MAPK4: variants seen among roughly 807,000 people sequenced by gnomAD.
The protein encoded by MAPK4 is Erk3-related.
Under a neutral mutation model 47.7 loss-of-function variants are expected in MAPK4, and 22 were observed. The observed-to-expected ratio is 0.46, with a 90% CI of 0.33 to 0.66. MAPK4 has a LOEUF of 0.66. Ranked by LOEUF, MAPK4 falls within the 30% of genes least tolerant of loss-of-function variation. The probability of loss-of-function intolerance (pLI) is 0.02; values close to 1 mark genes in which losing one functional copy is unlikely to be tolerated. For missense variants in MAPK4, 736 were observed against 831.7 expected, an observed-to-expected ratio of 0.88 and a Z score of 1.42; for synonymous variants, 390 against 365.7, an observed-to-expected ratio of 1.07 and a Z score of -0.76.
chr18:50,664,523 G>T lies in MAPK4; in HGVS notation c.546+19G>T. ...CCACAAGGTATGTCTGGCTGGAATG[G>T]CGGATACTGGTGGTCCACAGAATCC... On this transcript the variant is annotated intron_variant, in intron 2 of 5. Transcript: ENST00000400384. The surrounding 1 kb of genome is among the most constrained non-coding windows in gnomAD (Gnocchi z 6.0). 6.4e-7 allele frequency: 1 copy of T among 1,560,116 alleles called. No homozygotes were observed. Among genetic ancestry groups the T allele is most frequent in the Non-Finnish European group, 8.7e-7 (1 of 1,149,716 alleles).
chr18:50,600,081 C>T (rs934111252), intron 1 of MAPK4, among the ~76,000 whole-genome samples: 1 of 152,128 alleles, frequency 6.6e-6, no homozygotes, highest in African/African-American at 2.4e-5. Context: ...GAGTAGAAGC[C>T]ACTGTATTTG....
chr18:50,699,003 C>A (rs1909647382), intron 2 of MAPK4, among the ~76,000 whole-genome samples: 1 of 151,470 alleles, frequency 6.6e-6, no homozygotes, highest in Non-Finnish European at 1.5e-5. Context: ...CCAGCCTGGG[C>A]AACAGAGCAA....
chr18:50,678,787 GT>G lies in MAPK4; in HGVS notation c.546+14287del, dbSNP rs1908419048. Among the ~76,000 whole-genome samples the G allele has an allele frequency of 6.6e-6, 1 of 152,148 alleles. No individual in the cohort carries two copies. The highest frequency in any genetic ancestry group is 1.9e-4 in the East Asian group (1 of 5,198). ...ATCATGCACCTGGCAGGATCCCCTT[GT>G]TTTCTGGGTGAAGGCAGCAGGAAAG... On this transcript the variant is annotated intron_variant, in intron 2 of 5. Coordinates refer to ENST00000400384, the MANE Select transcript of MAPK4 (RefSeq NM_002747.4). This position sits in a 1 kb window ranked among gnomAD's most constrained non-coding sequence, Gnocchi z 4.2.
At chr18:50,625,283 G>A (rs1262978288) in intron 1 of MAPK4, among the ~76,000 whole-genome samples, 1 of 152,184 alleles carries the variant, frequency 6.6e-6, no homozygotes, top group Non-Finnish European at 1.5e-5. Flanking sequence ...CCAGGAGACC[G>A]AGCCTTGGTG....
chr18:50,688,323 G>C (rs941579141), intron 2 of MAPK4, among the ~76,000 whole-genome samples: 1 of 152,154 alleles, frequency 6.6e-6, no homozygotes, highest in African/African-American at 2.4e-5. Context: ...GGCCCCAAAA[G>C]CTGCTTTAGA....
At chr18:50,589,750 A>T (rs1287508446) in intron 1 of MAPK4, among the ~76,000 whole-genome samples, 1 of 152,240 alleles carries the variant, frequency 6.6e-6, no homozygotes, top group African/African-American at 2.4e-5. Context: ...GTTTCAGTCC[A>T]TCCAACCACA....
rs1598847582 is a variant in MAPK4, at chr18:50,632,680, T to C, written c.-870-30409T>C. Among the ~76,000 whole-genome samples, 3 of 148,692 alleles carry C rather than the reference T, an allele frequency of 2.0e-5. No individual in the cohort carries two copies. In the South Asian group the frequency reaches 6.4e-4, roughly 32 times the overall value. On this transcript the variant is annotated intron_variant, in intron 1 of 5. Transcript: ENST00000400384. ...TGACATCCAGGCTGGAGTGCAGTGA[T>C]GCAATCTCGGCTCATTGCAACCTCA... is the stretch of plus-strand genomic sequence containing the variant.
At chr18:50,666,020 T>A (rs564326237) in intron 2 of MAPK4, among the ~76,000 whole-genome samples, 1 of 152,308 alleles carries the variant, frequency 6.6e-6, no homozygotes, top group South Asian at 2.1e-4. Context: ...GTAAAAAACC[T>A]AGAAAATCCA....
At chr18:50,564,387 T>C (rs1465502284) in intron 1 of MAPK4, among the ~76,000 whole-genome samples, 1 of 152,150 alleles carries the variant, frequency 6.6e-6, no homozygotes, top group East Asian at 1.9e-4. Flanking sequence ...ACCCCCTAGA[T>C]GCCAGGAGCA....
Position 50,636,985 on chromosome 18 carries a change from AT to A in MAPK4, c.-870-26103del, listed in dbSNP as rs1157336469. On this transcript the variant is annotated intron_variant, in intron 1 of 5. Coordinates refer to ENST00000400384, the MANE Select transcript of MAPK4 (RefSeq NM_002747.4). The stretch of plus-strand genomic sequence containing the variant: ...GCCTCCTGCTTGCTTCTGTTCCCTA[AT>A]CTTAAAACCACTTAGAAACAAAATC... Among the ~76,000 whole-genome samples the A allele has an allele frequency of 4.7e-3, 722 of 152,112 alleles. 4 individuals are homozygous for A. The highest frequency in any genetic ancestry group is 6.8e-3 in the Non-Finnish European group (462 of 67,982).
chr18:50,709,680 G>A (rs945216839), intron 2 of MAPK4, among the ~76,000 whole-genome samples: 1 of 152,132 alleles, frequency 6.6e-6, no homozygotes, highest in Non-Finnish European at 1.5e-5. Context: ...TGGGGATGGG[G>A]GAAGGCCTGG....
chr18:50,687,686 G>GTGGATCC (rs139907568), intron 2 of MAPK4, among the ~76,000 whole-genome samples: 1,534 of 152,282 alleles, frequency 0.01, 29 homozygotes, highest in African/African-American at 0.035. Flanking sequence ...AGACTCTGCG[G>GTGGATCC]TGTGACCTCG....
At chr18:50,593,850 T>C (rs2149368733) in intron 1 of MAPK4, among the ~76,000 whole-genome samples, 1 of 152,242 alleles carries the variant, frequency 6.6e-6, no homozygotes, top group Middle Eastern at 3.4e-3. Flanking sequence ...ATAGGATATA[T>C]ATATATATGA....
chr18:50,582,624 C>G (rs891128776), intron 1 of MAPK4, among the ~76,000 whole-genome samples: 8 of 152,254 alleles, frequency 5.3e-5, no homozygotes, highest in Non-Finnish European at 1.0e-4. Context: ...ATCTCTACAG[C>G]TGCTGCTGCC....
chr18:50,632,021 G>T (rs1410504697), intron 1 of MAPK4, among the ~76,000 whole-genome samples: 1 of 152,140 alleles, frequency 6.6e-6, no homozygotes, highest in African/African-American at 2.4e-5. Flanking sequence ...GGCACGTGTG[G>T]GTGGCCGTGA....
chr18:50,571,057 A>T (rs1239345608), intron 1 of MAPK4, among the ~76,000 whole-genome samples: 1 of 152,132 alleles, frequency 6.6e-6, no homozygotes, highest in African/African-American at 2.4e-5. Flanking sequence ...CTCACCCTTC[A>T]GGTGTGTAAT....
intron 2 of MAPK4, among the ~76,000 whole-genome samples, chr18:50,665,616 A>T (rs1287538349): frequency 6.6e-6 from 1 of 152,172 alleles, no homozygotes; most frequent in African/African-American, 2.4e-5. Context: ...AAGGGCACTG[A>T]TCTGCCCTCT....
chr18:50,687,972 G>T (rs1303652078), intron 2 of MAPK4, among the ~76,000 whole-genome samples: 1 of 152,140 alleles, frequency 6.6e-6, no homozygotes, highest in African/African-American at 2.4e-5. Context: ...CACGAGGCTG[G>T]GTACTGAGAA....
chr18:50,686,169 C>A (rs1908871912), intron 2 of MAPK4, among the ~76,000 whole-genome samples: 1 of 152,180 alleles, frequency 6.6e-6, no homozygotes, highest in Non-Finnish European at 1.5e-5. Flanking sequence ...CTCTTCTGAA[C>A]CTTCTGCAGA....
Sources: gnomAD v4.1 joint callset for allele counts (sites outside exome capture counted in the v4.1 genomes callset) on GRCh38, gnomAD v4.1.1 for gene constraint, Gnocchi (gnomAD v3.1) non-coding constraint, MANE v1.5 for transcripts, NCBI Gene and HGNC (gene_info 2026-07-23, HGNC 2026-07-21) for gene names.